CLIP2: variants seen among roughly 807,000 people sequenced by gnomAD.
CLIP2 encodes the protein CAP-Gly domain containing linker protein 2.
A neutral mutation model predicts 111.7 loss-of-function variants in CLIP2; 41 were observed. The observed-to-expected ratio is 0.37, with a 90% confidence interval of 0.29 to 0.48. The LOEUF is 0.48. Ranked by LOEUF, CLIP2 falls within the 20% of genes least tolerant of loss-of-function variation. The probability of loss-of-function intolerance (pLI) is 0.99; values close to 1 mark genes in which losing one functional copy is unlikely to be tolerated. For synonymous variants in CLIP2, 660 were observed against 644.2 expected (o/e 1.02, Z -0.37); for missense variants, 1,160 against 1,422.1 (o/e 0.82, Z 2.96).
intron 12 of CLIP2, among the ~76,000 whole-genome samples, chr7:74,388,136 C>G (rs987331371): frequency 5.3e-5 from 8 of 151,996 alleles, no homozygotes; most frequent in Non-Finnish European, 7.4e-5. Context: ...TTCAGACCAG[C>G]CTGGCCAACA....
chr7:74,297,501 A>C (rs1788204421), intron 1 of CLIP2, among the ~76,000 whole-genome samples: 1 of 152,062 alleles, frequency 6.6e-6, no homozygotes, highest in South Asian at 2.1e-4. Context: ...AAAACCGAAT[A>C]AGAAAACAAA....
At chr7:74,388,173 TA>T (rs1433949712) in intron 12 of CLIP2, among the ~76,000 whole-genome samples, 1 of 151,826 alleles carries the variant, frequency 6.6e-6, no homozygotes, top group Non-Finnish European at 1.5e-5. Context: ...CTACTAAAAA[TA>T]CAAAAAAATT....
Position 74,376,149 on chromosome 7 carries a change from C to T in CLIP2, c.1748C>T (p.Ala583Val), listed in dbSNP as rs782381232. Residue 583 changes from alanine (A) to valine (V), a missense_variant, in exon 10 of 17, where the codon GCG (alanine) becomes GTG (valine). Coordinates refer to ENST00000223398, the MANE Select transcript of CLIP2 (RefSeq NM_003388.5). This position sits in a 1 kb window ranked among gnomAD's most constrained non-coding sequence, Gnocchi z 7.1. ...CAGGCGGAGGTGGACAAGCTCCGCG[C>T]GGCCAACGAGAAGTACGCACAGGAG... is the stretch of plus-strand genomic sequence containing the variant. Reference protein sequence around the residue: ...AYQAEVDKLRAANEKYAQEVA... With the variant: ...AYQAEVDKLRVANEKYAQEVA... 7 of 1,609,332 alleles carry T rather than the reference C, an allele frequency of 4.3e-6. No individual in the cohort carries two copies. Among genetic ancestry groups the T allele is most frequent in the South Asian group, 1.1e-5 (1 of 90,526 alleles).
chr7:74,343,514 C>A (rs1424352386), intron 3 of CLIP2, among the ~76,000 whole-genome samples: 1 of 152,100 alleles, frequency 6.6e-6, no homozygotes, highest in Admixed American at 6.6e-5. Flanking sequence ...TTCATTCATT[C>A]ATTCATTCTC....
At chr7:74,291,923 C>CT (rs782577666) in intron 1 of CLIP2, among the ~76,000 whole-genome samples, 2,065 of 132,842 alleles carry the variant, frequency 0.016, 54 homozygotes, top group African/African-American at 0.05. Context: ...ATCCTGCCCT[C>CT]TTTTTTTTTT....
At chr7:74,403,053 A>G (rs1461073441) in intron 16 of CLIP2, among the ~76,000 whole-genome samples, 2 of 150,850 alleles carry the variant, frequency 1.3e-5, no homozygotes, top group African/African-American at 4.9e-5. Context: ...TCTACTAAAA[A>G]TACAAAAAAA....
At chr7:74,312,746 G>A (rs1788673075) in intron 1 of CLIP2, among the ~76,000 whole-genome samples, 1 of 152,158 alleles carries the variant, frequency 6.6e-6, no homozygotes, top group Non-Finnish European at 1.5e-5. Context: ...CTGAGGGCCA[G>A]GGCTGGCAGG....
Position 74,294,198 on chromosome 7 carries a change from C to T in CLIP2, c.-68+4464C>T, listed in dbSNP as rs1198480516. Among the ~76,000 whole-genome samples, 4 of 152,194 alleles carry T rather than the reference C, an allele frequency of 2.6e-5. No individual in the cohort carries two copies. In the East Asian group the frequency reaches 5.8e-4, roughly 22 times the overall value. ...TCCCAAAAGATAAGGAGTTCAAGAC[C>T]TAGTATTACAGGCGTGAGCCACTGC... On this transcript the variant is annotated intron_variant, in intron 1 of 16. Transcript: ENST00000223398.
chr7:74,302,765 C>T (rs530281143), intron 1 of CLIP2, among the ~76,000 whole-genome samples: 2 of 152,208 alleles, frequency 1.3e-5, no homozygotes, highest in Non-Finnish European at 2.9e-5. Context: ...TTTGAAGCCA[C>T]GTGGGCTTGT....
At chr7:74,336,890 GT>G (rs57582472) in intron 2 of CLIP2, among the ~76,000 whole-genome samples, 107,342 of 122,304 alleles carry the variant, frequency 0.88, 46,429 homozygotes, top group Middle Eastern at 0.93. Flanking sequence ...TTTTTGTTTT[GT>G]TTTTTTTTTT....
intron 13 of CLIP2, among the ~76,000 whole-genome samples, chr7:74,394,245 A>ATTT (rs56651501): frequency 3.9e-4 from 46 of 117,362 alleles, no homozygotes; most frequent in African/African-American, 4.9e-4. Flanking sequence ...TTTTCTTCTT[A>ATTT]TTTTTTTTTT....
At chr7:74,357,255 C>T (rs552244771) in intron 5 of CLIP2, 25 bp from the exon 6 acceptor site, 14 of 1,609,816 alleles carry the variant, frequency 8.7e-6, no homozygotes, top group East Asian at 4.5e-5. Context: ...CCCTGAGACC[C>T]GCCTGCATCC....
intron 14 of CLIP2, 132 bp from the exon 15 acceptor site, chr7:74,400,238 A>C: frequency 1.4e-6 from 1 of 690,162 alleles, no homozygotes; most frequent in Non-Finnish European, 2.4e-6. Context: ...GGCCTGAGGG[A>C]CCTCTGGGTG....
chr7:74,333,668 A>G (rs1422508999), intron 2 of CLIP2, among the ~76,000 whole-genome samples: 2 of 151,722 alleles, frequency 1.3e-5, no homozygotes, highest in African/African-American at 4.8e-5. Flanking sequence ...TTTTTTGTAG[A>G]GACAGGGTCT....
intron 10 of CLIP2, chr7:74,380,025 C>A (rs1311633978): frequency 6.6e-6 from 1 of 152,104 alleles, no homozygotes; most frequent in Admixed American, 6.6e-5. Flanking sequence ...GGGCTTAGTT[C>A]ATTACAACTA....
At chr7:74,375,185 G>A (rs554635585) in intron 9 of CLIP2, among the ~76,000 whole-genome samples, 9 of 152,014 alleles carry the variant, frequency 5.9e-5, no homozygotes, top group African/African-American at 1.9e-4. Context: ...AGGAATTTGA[G>A]GGTACAGTGA....
At position 74,338,276 on chromosome 7, in the gene CLIP2, C is replaced by A. The variant is rs997279967; in HGVS notation, c.122-172C>A. Among the ~76,000 whole-genome samples the A allele has an allele frequency of 6.6e-6, 1 of 152,044 alleles. No homozygotes were observed. Among genetic ancestry groups the A allele is most frequent in the Admixed American group, 6.6e-5 (1 of 15,240 alleles). The stretch of plus-strand genomic sequence containing the variant: ...CAGCAATTTGGGAAGCCAAGGCGGG[C>A]GGATTTCTTGAGGTCAGGAGTTCGA... On this transcript the variant is annotated intron_variant, in intron 2 of 16. Transcript: ENST00000223398. The surrounding 1 kb of genome is among the most constrained non-coding windows in gnomAD (Gnocchi z 4.3).
chr7:74,317,379 G>A (rs1272954101), intron 1 of CLIP2, 101 bp from the exon 2 acceptor site: 5 of 798,580 alleles, frequency 6.3e-6, no homozygotes, highest in East Asian at 3.3e-5. Context: ...GTGTTGCCTC[G>A]TCCAGCCCAC....
At chr7:74,329,989 G>A (rs1789230185) in intron 2 of CLIP2, among the ~76,000 whole-genome samples, 1 of 151,972 alleles carries the variant, frequency 6.6e-6, no homozygotes, top group African/African-American at 2.4e-5. Flanking sequence ...ATGTTGGTCA[G>A]GCTGGTCTCG....
Sources: gnomAD v4.1 joint callset for allele counts (sites outside exome capture counted in the v4.1 genomes callset) on GRCh38, gnomAD v4.1.1 for gene constraint, Gnocchi (gnomAD v3.1) non-coding constraint, MANE v1.5 for transcripts, NCBI Gene and HGNC (gene_info 2026-07-23, HGNC 2026-07-21) for gene names.